Variants in TMC7 observed in about 807,000 individuals in gnomAD.
TMC7 encodes transmembrane channel-like protein 7.
Under a neutral mutation model 82.9 loss-of-function variants are expected in TMC7, and 54 were observed. The observed-to-expected ratio is 0.65, with a 90% confidence interval of 0.52 to 0.82. The LOEUF is 0.82. TMC7 is among the 40% of genes least tolerant of loss of function. The pLI is 0.00. For synonymous variants in TMC7, 350 were observed against 337.9 expected, an observed-to-expected ratio of 1.04 and a Z score of -0.39; for missense variants, 820 against 901.2, an observed-to-expected ratio of 0.91 and a Z score of 1.15.
At chr16:19,041,807 AG>A (rs1353059425) in intron 9 of TMC7, among the ~76,000 whole-genome samples, 3 of 152,334 alleles carry the variant, frequency 2.0e-5, no homozygotes, top group African/African-American at 7.2e-5. Context: ...AATCCAAACA[AG>A]GCCCACATGC....
chr16:19,005,216 G>A (rs2039217801), intron 1 of TMC7, among the ~76,000 whole-genome samples: 2 of 151,864 alleles, frequency 1.3e-5, no homozygotes, highest in Admixed American at 1.3e-4. Context: ...AGCCTCCCAA[G>A]TTAGCTGGGA....
Position 19,030,331 on chromosome 16 carries a change from C to T in TMC7, c.819C>T (p.Ile273=), listed in dbSNP as rs755461576. ...DLPLAYLLST[I]ASLALSLLWI... is the part of the protein sequence containing the mutation. ...CCCTGGCGTATTTGTTAAGCACAATCGCCTCCCTGGCCCTGAGCCTTCTTT... is the reference window on the plus strand; with the variant it reads ...CCCTGGCGTATTTGTTAAGCACAATTGCCTCCCTGGCCCTGAGCCTTCTTT... The change falls in exon 6 of 16, where the codon ATC becomes ATT. Residue 273 remains isoleucine (I), a synonymous_variant. Coordinates refer to ENST00000304381, the MANE Select transcript of TMC7 (RefSeq NM_024847.4). 14 of 1,613,416 alleles carry T rather than the reference C, an allele frequency of 8.7e-6. No homozygotes were observed. Among genetic ancestry groups the T allele is most frequent in the Admixed American group, 1.7e-5 (1 of 59,912 alleles).
At chr16:18,997,465 A>G (rs937144820) in intron 1 of TMC7, among the ~76,000 whole-genome samples, 54 of 150,536 alleles carry the variant, frequency 3.6e-4, no homozygotes, top group Middle Eastern at 7.0e-3. Flanking sequence ...TGACTCCTGG[A>G]TTCAAGCGAT....
intron 1 of TMC7, among the ~76,000 whole-genome samples, chr16:18,999,342 C>T (rs2039100914): frequency 6.6e-6 from 1 of 152,168 alleles, no homozygotes; most frequent in Admixed American, 6.5e-5. Context: ...GGCCAGTGGC[C>T]ACTGTATTGG....
intron 2 of TMC7, among the ~76,000 whole-genome samples, chr16:19,012,743 C>T (rs1235839910): frequency 3.7e-5 from 4 of 108,374 alleles, no homozygotes; most frequent in South Asian, 3.4e-4. Context: ...GAGCCAAAAT[C>T]GTGCCACTGC....
intron 1 of TMC7, among the ~76,000 whole-genome samples, chr16:19,003,414 T>G (rs1596728857): frequency 1.5e-5 from 2 of 133,036 alleles, no homozygotes; most frequent in Admixed American, 7.4e-5. Flanking sequence ...GTGGGGGGGG[T>G]CAGCCCCCCT....
intron 8 of TMC7, 92 bp downstream of exon 8, chr16:19,038,139 A>G: frequency 7.7e-7 from 1 of 1,296,032 alleles, no homozygotes; most frequent in Non-Finnish European, 1.1e-6. Context: ...TTACATATGG[A>G]GATACAAGTT....
intron 15 of TMC7, chr16:19,059,957 A>T (rs955753087): frequency 5.7e-6 from 2 of 352,636 alleles, no homozygotes; most frequent in East Asian, 6.1e-5. Context: ...AGCCTGGGTG[A>T]CAGAGTGAGA....
chr16:19,018,521 C>G (rs1959816089), intron 3 of TMC7, among the ~76,000 whole-genome samples: 1 of 152,144 alleles, frequency 6.6e-6, no homozygotes, highest in African/African-American at 2.4e-5. Flanking sequence ...GAAACCTAAT[C>G]ACCTCCCAAA....
In TMC7 at chr16:19,047,209, T is replaced by C. The variant is rs1961316012; in HGVS notation, c.1700T>C (p.Ile567Thr). The change falls in exon 12 of 16, where the codon ATT becomes ACT. Residue 567 changes from isoleucine (I) to threonine (T), a missense_variant. Coordinates refer to ENST00000304381, the MANE Select transcript of TMC7 (RefSeq NM_024847.4). ...GAFFSPLLPA[I>T]ATLKFIIIFY... is the part of the protein sequence containing the mutation. ...TTTTTCTCACCCCTTCTCCCTGCAA[T>C]TGCAACCCTGAAATTCATTATCATC... The C allele has an allele frequency of 6.2e-7, 1 of 1,613,796 alleles. No individual in the cohort carries two copies.
In TMC7 at chr16:19,061,916, T is replaced by C. The variant is rs536870386; in HGVS notation, c.*73T>C. 3.0e-6 allele frequency: 4 copies of C among 1,326,298 alleles called. No homozygotes were observed. The African/African-American group carries it at 4.5e-5, about 15-fold the overall frequency. 82.2% of individuals were successfully genotyped at this position (1,326,298 alleles called of 1,614,324 possible). On this transcript the variant is annotated 3_prime_UTR_variant, in exon 16 of 16. Transcript: ENST00000304381. ...TAGTGATTCTGCTGAGCCTACAGAGTCTACCTGGGTTTTGAGTGGACATTT... is the reference window on the plus strand; with the variant it reads ...TAGTGATTCTGCTGAGCCTACAGAGCCTACCTGGGTTTTGAGTGGACATTT...
At chr16:19,001,945 C>T (rs1391616186) in intron 1 of TMC7, among the ~76,000 whole-genome samples, 1 of 152,170 alleles carries the variant, frequency 6.6e-6, no homozygotes, top group East Asian at 1.9e-4. Flanking sequence ...CCTTTTTACC[C>T]AGAGTTTCCA....
intron 13 of TMC7, among the ~76,000 whole-genome samples, chr16:19,052,068 C>A (rs894215746): frequency 2.6e-5 from 4 of 152,016 alleles, no homozygotes; most frequent in African/African-American, 9.7e-5. Context: ...GTAGCTGGGA[C>A]TACAGGTGTG....
chr16:19,047,542 G>A (rs1295455894), intron 12 of TMC7, among the ~76,000 whole-genome samples: 1 of 151,162 alleles, frequency 6.6e-6, no homozygotes, highest in Non-Finnish European at 1.5e-5. Context: ...GACTACAGGA[G>A]CCTGCCACTG....
In TMC7 at chr16:19,056,759, C is replaced by T. The variant is rs187540346; in HGVS notation, c.2027+62C>T. ...GGCTCCTCCCATTGGGAAATGGCGG[C>T]GGTCGGGGCGGGGTCACCCTAGACT... is the stretch of plus-strand genomic sequence containing the variant. On this transcript the variant is annotated intron_variant, in intron 14 of 15. Transcript: ENST00000304381. 4.2e-4 allele frequency: 664 copies of T among 1,562,488 alleles called. 1 individual carries two copies. In the African/African-American group the frequency reaches 7.6e-3, roughly 18 times the overall value.
At chr16:19,038,312 C>T (rs979552703) in intron 8 of TMC7, among the ~76,000 whole-genome samples, 1 of 152,162 alleles carries the variant, frequency 6.6e-6, no homozygotes, top group Non-Finnish European at 1.5e-5. Context: ...TCTCCTGCCT[C>T]AGCCTCCCGA....
At chr16:18,985,505 A>G (rs959342221) in intron 1 of TMC7, among the ~76,000 whole-genome samples, 4 of 152,150 alleles carry the variant, frequency 2.6e-5, no homozygotes, top group African/African-American at 7.2e-5. Context: ...GTTGGTTCCT[A>G]TTAATAGTCA....
At position 19,009,190 on chromosome 16, in the gene TMC7, C is replaced by T. The variant is rs1178257569; in HGVS notation, c.86C>T (p.Ser29Phe). The change falls in exon 2 of 16, where the codon TCC becomes TTC. Residue 29 changes from serine to phenylalanine, a missense_variant. Around this residue, in one of 2 missense-constraint regions of TMC7, gnomAD observed 650 missense variants for 669.9 expected, o/e 0.97. Transcript: ENST00000304381. ...AVHPENLSLDSSCFSSPPVNF... is the reference protein window; with the variant it reads ...AVHPENLSLDFSCFSSPPVNF... ...TACATAGAGAACCTCTCTCTAGACT[C>T]CAGTTGCTTCTCTTCTCCACCTGTG... 3 of 1,614,022 alleles carry T rather than the reference C, an allele frequency of 1.9e-6. No individual in the cohort carries two copies. In the African/African-American group the frequency reaches 4.0e-5, roughly 22 times the overall value.
At chr16:19,029,873 C>T (rs1023842062) in intron 5 of TMC7, among the ~76,000 whole-genome samples, 6 of 152,060 alleles carry the variant, frequency 3.9e-5, no homozygotes, top group Non-Finnish European at 7.4e-5. Context: ...ACACCAGGCC[C>T]AGCTAATTTT....
Sources: allele counts gnomAD v4.1 joint callset (sites outside exome capture counted in the v4.1 genomes callset), GRCh38; gene constraint gnomAD v4.1.1; regional missense constraint gnomAD v4.1.1; transcripts MANE v1.5; gene names NCBI Gene and HGNC (gene_info 2026-07-23, HGNC 2026-07-21).